Variants in JMY observed in about 807,000 individuals in gnomAD.
JMY encodes junction mediating and regulatory protein, p53 cofactor, also known as junction-mediating and -regulatory protein.
In JMY, 46 loss-of-function variants were observed where a neutral mutation model predicts 103.3. The ratio of observed to expected loss-of-function variants is 0.45; its 90% CI spans 0.35 to 0.57. The LOEUF (loss-of-function observed/expected upper bound fraction) is 0.57. Ranked by LOEUF, JMY falls within the 20% of genes least tolerant of loss-of-function variation. JMY has a pLI of 0.00. For missense variants in JMY, 1,238 were observed against 1,255.2 expected (o/e 0.99, Z 0.21); for synonymous variants, 526 against 489.3 (o/e 1.07, Z -0.99).
chr5:79,322,881 T>TTTA lies in JMY; in HGVS notation c.*1282_*1284dup, dbSNP rs1491429589. 2.0e-5 allele frequency: 3 copies of TTTA among 152,206 alleles called. No individual in the cohort carries two copies. The highest frequency in any genetic ancestry group is 7.2e-5 in the African/African-American group (3 of 41,446). 9.4% of individuals were successfully genotyped at this position (152,206 alleles called of 1,614,324 possible). The stretch of plus-strand genomic sequence containing the variant: ...TAAGAACTAAAATACCAAAAATCAC[T>TTTA]TTATTTCTTTTAAGACAATTATCTG... On this transcript the variant is annotated 3_prime_UTR_variant, in exon 11 of 11. Transcript: ENST00000396137.
chr5:79,304,820 C>T (rs188119423), intron 6 of JMY, among the ~76,000 whole-genome samples: 21 of 152,280 alleles, frequency 1.4e-4, no homozygotes, highest in African/African-American at 5.1e-4. Flanking sequence ...ACATGTCTGA[C>T]CTCTGTTCTA....
chr5:79,260,900 G>A (rs181825467), intron 1 of JMY, among the ~76,000 whole-genome samples: 87 of 152,262 alleles, frequency 5.7e-4, no homozygotes, highest in African/African-American at 2.1e-3. Flanking sequence ...TGGACCTAAA[G>A]GCAGTTCCCA....
chr5:79,294,014 G>GT (rs1392950471), intron 4 of JMY, among the ~76,000 whole-genome samples: 3 of 152,194 alleles, frequency 2.0e-5, no homozygotes, highest in Non-Finnish European at 4.4e-5. Context: ...TAGGAGTAGA[G>GT]TATATGCTGG....
At chr5:79,298,497 T>C (rs1746631667) in intron 4 of JMY, among the ~76,000 whole-genome samples, 1 of 152,182 alleles carries the variant, frequency 6.6e-6, no homozygotes, top group Admixed American at 6.5e-5. Context: ...TGGTTCTTAT[T>C]TTATGACTTA....
At position 79,237,000 on chromosome 5, in the gene JMY, G is replaced by C. The variant is rs1417658632; in HGVS notation, c.350G>C (p.Arg117Pro). The C allele has an allele frequency of 8.8e-6, 13 of 1,476,756 alleles. No individual in the cohort carries two copies. In the Admixed American group the frequency reaches 1.0e-4, roughly 12 times the overall value. 91.5% of individuals were successfully genotyped at this position (1,476,756 alleles called of 1,614,324 possible). A position where few individuals can be genotyped will look rare whatever the true frequency, so the allele number is the denominator to read the frequency against. The change falls in exon 1 of 11, where the codon CGG becomes CCG. Residue 117 changes from arginine to proline, a missense_variant. By Grantham distance (103) the Arg-to-Pro change is moderately radical. Transcript: ENST00000396137. ...GCCTGGGCGGAGGGCGGCTCTCCTCGGAGCACTCGCAGCCTTCTGGGGGAC... is the reference window on the plus strand; with the variant it reads ...GCCTGGGCGGAGGGCGGCTCTCCTCCGAGCACTCGCAGCCTTCTGGGGGAC... ...SSAWAEGGSPRSTRSLLGDPR... is the reference protein window; with the variant it reads ...SSAWAEGGSPPSTRSLLGDPR...
At chr5:79,276,731 C>G (rs1175536098) in intron 1 of JMY, among the ~76,000 whole-genome samples, 2 of 152,072 alleles carry the variant, frequency 1.3e-5, no homozygotes, top group Non-Finnish European at 2.9e-5. Context: ...CTCAGCCTCC[C>G]GAGTGGCTGG....
intron 7 of JMY, 140 bp downstream of exon 7, chr5:79,306,601 G>C: frequency 1.6e-6 from 1 of 631,120 alleles, no homozygotes; most frequent in Non-Finnish European, 2.8e-6. Context: ...CAGTTTTTAG[G>C]CAAAATTGAT....
chr5:79,258,314 G>GTT (rs35099268), intron 1 of JMY, among the ~76,000 whole-genome samples: 10 of 76,296 alleles, frequency 1.3e-4, no homozygotes, highest in East Asian at 4.8e-4. Flanking sequence ...TGTTTTTGTT[G>GTT]TTTTTTTTTT....
intron 1 of JMY, among the ~76,000 whole-genome samples, chr5:79,256,472 A>C (rs1371712150): frequency 6.6e-6 from 1 of 152,038 alleles, no homozygotes; most frequent in Non-Finnish European, 1.5e-5. Context: ...AATCAAGCAG[A>C]AGTAGTCTCG....
chr5:79,276,569 T>C (rs1745942999), intron 1 of JMY, among the ~76,000 whole-genome samples: 1 of 152,060 alleles, frequency 6.6e-6, no homozygotes. Context: ...GACTATCAGC[T>C]AATTTTTACA....
Position 79,237,591 on chromosome 5 carries a change from A to C in JMY, c.941A>C (p.Asp314Ala). 1 of 1,613,676 alleles carries C rather than the reference A, an allele frequency of 6.2e-7. No individual in the cohort carries two copies. Among genetic ancestry groups the C allele is most frequent in the Non-Finnish European group, 8.5e-7 (1 of 1,180,008 alleles). ...TCCCAGGTGCTCTTCACCGAGACCG[A>C]TGATCCCGAGGAGTATTACGAAAGC... Reference protein sequence around the residue: ...ILSQVLFTETDDPEEYYESLS... With the variant: ...ILSQVLFTETADPEEYYESLS... Residue 314 changes from aspartate (D) to alanine (A), a missense_variant, in exon 1 of 11, where the codon GAT becomes GCT. By Grantham distance (126) the Asp-to-Ala change is moderately radical (BLOSUM62 -2). Transcript: ENST00000396137.
At chr5:79,273,922 C>T (rs1023750836) in intron 1 of JMY, among the ~76,000 whole-genome samples, 6 of 152,228 alleles carry the variant, frequency 3.9e-5, no homozygotes, top group South Asian at 2.1e-4. Context: ...GCTCCGCCTC[C>T]CGGGTTCATG....
chr5:79,292,531 G>A (rs1212303235), intron 4 of JMY, among the ~76,000 whole-genome samples: 1 of 151,832 alleles, frequency 6.6e-6, no homozygotes, highest in African/African-American at 2.4e-5. Context: ...ATATTGCCCA[G>A]GCTCATCTTG....
At chr5:79,267,589 A>T (rs1745621437) in intron 1 of JMY, among the ~76,000 whole-genome samples, 2 of 152,080 alleles carry the variant, frequency 1.3e-5, no homozygotes, top group African/African-American at 4.8e-5. Context: ...AAAAATATTT[A>T]TTTTTTATAC....
intron 1 of JMY, among the ~76,000 whole-genome samples, chr5:79,263,746 T>C (rs1745495494): frequency 6.6e-6 from 1 of 152,096 alleles, no homozygotes; most frequent in Non-Finnish European, 1.5e-5. Flanking sequence ...CAATCATGGC[T>C]TACTACAGCA....
intron 8 of JMY, among the ~76,000 whole-genome samples, chr5:79,313,866 A>G (rs149760619): frequency 6.6e-6 from 1 of 152,184 alleles, no homozygotes; most frequent in Non-Finnish European, 1.5e-5. Context: ...ATAAGCCAAC[A>G]TAACATTTTT....
chr5:79,240,166 C>T (rs1242332242), intron 1 of JMY, among the ~76,000 whole-genome samples: 1 of 150,914 alleles, frequency 6.6e-6, no homozygotes, highest in Admixed American at 6.6e-5. Context: ...TAGGCGTGTG[C>T]CACCTTGTCC....
At chr5:79,266,870 C>G (rs1164185754) in intron 1 of JMY, among the ~76,000 whole-genome samples, 7 of 152,136 alleles carry the variant, frequency 4.6e-5, no homozygotes, top group Non-Finnish European at 1.5e-5. Flanking sequence ...TAGGTGTCAG[C>G]AGGTATGAAA....
intron 1 of JMY, among the ~76,000 whole-genome samples, chr5:79,265,291 A>G (rs1267086024): frequency 6.6e-6 from 1 of 152,242 alleles, no homozygotes; most frequent in Non-Finnish European, 1.5e-5. Flanking sequence ...AATTGACTAC[A>G]TAATTTATAT....
Sources: allele counts gnomAD v4.1 joint callset (sites outside exome capture counted in the v4.1 genomes callset), GRCh38; gene constraint gnomAD v4.1.1; transcripts MANE v1.5; gene names NCBI Gene and HGNC (gene_info 2026-07-23, HGNC 2026-07-21).